FAM47E: variants seen among roughly 807,000 people sequenced by gnomAD.
FAM47E encodes the protein family with sequence similarity 47 member E, also known as protein FAM47E.
Under a neutral mutation model 41.6 loss-of-function variants are expected in FAM47E, and 32 were observed. That is an observed-to-expected ratio of 0.77 (90% CI 0.58 to 1.03). FAM47E has a LOEUF of 1.03. Ranked by LOEUF, FAM47E falls within the 50% of genes least tolerant of loss-of-function variation. The pLI is 0.00. For missense variants in FAM47E, 424 were observed against 485.4 expected, an observed-to-expected ratio of 0.87 and a Z score of 1.19; for synonymous variants, 184 against 188.7, an observed-to-expected ratio of 0.98 and a Z score of 0.20.
upstream of FAM47E, among the ~76,000 whole-genome samples, chr4:76,248,013 G>A (rs941246634): frequency 1.0e-4 from 15 of 149,412 alleles, no homozygotes; most frequent in South Asian, 6.3e-4. Context: ...CTCCTGGGTC[G>A]ACGCCATTCT....
rs1365806866 is a variant in FAM47E, at chr4:76,278,082, C to A, written c.884C>A (p.Pro295Gln). ...TACTTTCCACAGAATCCTTATAAGC[C>A]AAAGTGGGTGAAGATGAGGTATGGA... ...KLQKPQNPYK[P>Q]KWVKMRYGAW... Residue 295 changes from proline to glutamine, a missense_variant, in exon 6 of 8, where the codon CCA becomes CAA. Coordinates refer to ENST00000424749, the MANE Select transcript of FAM47E (RefSeq NM_001136570.3). 1.3e-6 allele frequency: 2 copies of A among 1,514,722 alleles called. No individual in the cohort carries two copies. Among genetic ancestry groups the A allele is most frequent in the South Asian group, 1.3e-5 (1 of 77,162 alleles). The allele number at this position is 1,514,722 out of a possible 1,614,324, so 93.8% of individuals were successfully genotyped here. A position where few individuals can be genotyped will look rare whatever the true frequency, so the allele number is the denominator to read the frequency against.
At chr4:76,269,384 A>G (rs1214672673) in intron 4 of FAM47E, 1 of 152,254 alleles carries the variant, frequency 6.6e-6, no homozygotes, top group East Asian at 1.9e-4. Context: ...TGGGAGGCCA[A>G]GGTGGGTGGA....
intron 2 of FAM47E, among the ~76,000 whole-genome samples, chr4:76,236,115 TTG>T: frequency 6.6e-6 from 1 of 152,216 alleles, no homozygotes; most frequent in African/African-American, 2.4e-5. Context: ...AGAACATTTT[TTG>T]TGTTTTTTTT....
chr4:76,282,675 T>C (rs1422364978), intron 7 of FAM47E: 2 of 149,174 alleles, frequency 1.3e-5, no homozygotes, highest in Admixed American at 1.4e-4. Context: ...CTGTCCTCTT[T>C]TCAGTCACAT....
At chr4:76,218,330 C>A (rs1271103639) in intron 2 of FAM47E, among the ~76,000 whole-genome samples, 7 of 152,226 alleles carry the variant, frequency 4.6e-5, no homozygotes, top group African/African-American at 1.7e-4. Context: ...ATTACTCTCT[C>A]CTCCCTCCTC....
At chr4:76,238,880 T>G (rs1733643161) in intron 2 of FAM47E, among the ~76,000 whole-genome samples, 1 of 152,190 alleles carries the variant, frequency 6.6e-6, no homozygotes, top group Non-Finnish European at 1.5e-5. Flanking sequence ...TCTTTCCATC[T>G]TGCAAAACTG....
chr4:76,236,121 T>C (rs931277234), intron 2 of FAM47E: 2 of 148,952 alleles, frequency 1.3e-5, no homozygotes, highest in Non-Finnish European at 2.9e-5. Context: ...TTTTTTGTGT[T>C]TTTTTTTAGT....
intron 1 of FAM47E, 50 bp from the exon 2 acceptor site, chr4:76,256,128 G>T: frequency 6.6e-7 from 1 of 1,513,852 alleles, no homozygotes; most frequent in South Asian, 1.3e-5. Flanking sequence ...TGGTTAATAT[G>T]AACAGGCATG....
intron 6 of FAM47E, chr4:76,279,109 G>A (rs1735246916): frequency 1.3e-5 from 2 of 152,068 alleles, no homozygotes; most frequent in South Asian, 4.1e-4. Flanking sequence ...CTTATTTTCA[G>A]GTGTGAGGTA....
chr4:76,270,355 A>G (rs149075586), intron 4 of FAM47E, among the ~76,000 whole-genome samples: 29 of 152,300 alleles, frequency 1.9e-4, no homozygotes, highest in South Asian at 4.1e-4. Context: ...TTTTGCTTGA[A>G]TTAACCATTA....
intron 2 of FAM47E, among the ~76,000 whole-genome samples, chr4:76,243,819 T>A (rs775157443): frequency 3.9e-5 from 6 of 152,214 alleles, no homozygotes; most frequent in African/African-American, 9.7e-5. Context: ...GGTATACATG[T>A]GCCATGGTGG....
At chr4:76,244,655 C>T (rs965650352) in intron 2 of FAM47E, among the ~76,000 whole-genome samples, 1 of 151,252 alleles carries the variant, frequency 6.6e-6, no homozygotes, top group African/African-American at 2.4e-5. Context: ...ATTCTCCTGC[C>T]TCAGCCTCCT....
At chr4:76,226,761 T>C (rs1013977260) in intron 2 of FAM47E, among the ~76,000 whole-genome samples, 3 of 152,222 alleles carry the variant, frequency 2.0e-5, no homozygotes, top group African/African-American at 7.2e-5. Context: ...GAGTGTTGTA[T>C]ATTTCCAGGA....
At chr4:76,266,517 T>C (rs191367862) in intron 3 of FAM47E, among the ~76,000 whole-genome samples, 14 of 152,342 alleles carry the variant, frequency 9.2e-5, no homozygotes, top group African/African-American at 3.1e-4. Flanking sequence ...TCTCCACTAC[T>C]ACCAGTCTAT....
chr4:76,266,376 A>C (rs1428707242), intron 3 of FAM47E, among the ~76,000 whole-genome samples: 1 of 152,192 alleles, frequency 6.6e-6, no homozygotes, highest in African/African-American at 2.4e-5. Flanking sequence ...CCCCGAACTT[A>C]TTCCTCCTTC....
At chr4:76,251,584 C>T, upstream of FAM47E, 2 of 1,299,764 alleles carry the variant, frequency 1.5e-6, no homozygotes, top group South Asian at 2.1e-5. Flanking sequence ...TCCACGTCCC[C>T]AGGCGTCGGA....
Position 76,263,735 on chromosome 4 carries a change from C to T in FAM47E, c.452C>T (p.Pro151Leu). The T allele has an allele frequency of 3.2e-6, 5 of 1,551,684 alleles. No homozygotes were observed. The highest frequency in any genetic ancestry group is 4.4e-6 in the Non-Finnish European group (5 of 1,146,894). Reference protein sequence around the residue: ...LLSKVLEVLDPDRKLEDTWAY... With the variant: ...LLSKVLEVLDLDRKLEDTWAY... The stretch of plus-strand genomic sequence containing the variant: ...TCAAAGGTGCTGGAAGTGCTTGATC[C>T]TGACCGGAAGCTGGAGGACACATGG... The change falls in exon 3 of 8, where the codon CCT (proline) becomes CTT (leucine). Residue 151 changes from proline to leucine, a missense_variant. By Grantham distance (98) the Pro-to-Leu change is moderately conservative. Transcript: ENST00000424749.
upstream of FAM47E, among the ~76,000 whole-genome samples, chr4:76,250,496 CCA>C (rs1733931969): frequency 6.6e-6 from 1 of 151,914 alleles, no homozygotes; most frequent in Non-Finnish European, 1.5e-5. Flanking sequence ...AAGATTTTTC[CCA>C]CTCTGTGGGC....
intron 2 of FAM47E, among the ~76,000 whole-genome samples, chr4:76,233,220 G>A (rs572063126): frequency 6.6e-6 from 1 of 152,220 alleles, no homozygotes; most frequent in Admixed American, 6.5e-5. Context: ...CTAATTGTGT[G>A]CTAACTGCAG....
Sources: gnomAD v4.1 joint callset for allele counts (sites outside exome capture counted in the v4.1 genomes callset) on GRCh38, gnomAD v4.1.1 for gene constraint, MANE v1.5 for transcripts, NCBI Gene and HGNC (gene_info 2026-07-23, HGNC 2026-07-21) for gene names.